Variants in KCNQ3 observed in about 807,000 individuals in gnomAD.
KCNQ3 encodes the protein potassium voltage-gated channel subfamily KQT member 3.
KCNQ3 carries 30 observed loss-of-function variants against 92.5 expected under a neutral mutation model. That is an observed-to-expected ratio of 0.32 (90% CI 0.24 to 0.44). KCNQ3 has a LOEUF of 0.44. Among genes scored for constraint, KCNQ3 ranks in the 20% least tolerant of loss-of-function variants. The probability of loss-of-function intolerance (pLI) is 1.00; values close to 1 mark genes in which losing one functional copy is unlikely to be tolerated. For missense variants in KCNQ3, 913 were observed against 1,140.3 expected (o/e 0.80, Z 2.87); for synonymous variants, 450 against 468.8 (o/e 0.96, Z 0.52).
chr8:132,249,943 G>A (rs994581197), intron 1 of KCNQ3, among the ~76,000 whole-genome samples: 6 of 152,152 alleles, frequency 3.9e-5, no homozygotes, highest in Non-Finnish European at 5.9e-5. Context: ...CCGGCCGGCC[G>A]CTCCAAGTGA....
intron 9 of KCNQ3, among the ~76,000 whole-genome samples, chr8:132,148,662 A>G (rs1175776935): frequency 6.6e-6 from 1 of 152,230 alleles, no homozygotes; most frequent in Non-Finnish European, 1.5e-5. Flanking sequence ...GCCTTCACCA[A>G]TGTGGATGGA....
At chr8:132,140,440 G>T in intron 10 of KCNQ3, 1 of 447,380 alleles carries the variant, frequency 2.2e-6, no homozygotes, top group Non-Finnish European at 4.0e-6. Flanking sequence ...GCAGGGAGGA[G>T]AAGTGAGCTC....
intron 1 of KCNQ3, among the ~76,000 whole-genome samples, chr8:132,470,261 G>A (rs1822268187): frequency 6.6e-6 from 1 of 152,118 alleles, no homozygotes; most frequent in Non-Finnish European, 1.5e-5. Flanking sequence ...CTGGACTCAC[G>A]TGTATGCTTT....
intron 1 of KCNQ3, 120 bp downstream of exon 1, chr8:132,480,027 C>T (rs1297720374): frequency 1.0e-6 from 1 of 954,094 alleles, no homozygotes; most frequent in South Asian, 1.6e-5. Flanking sequence ...GGGCTGGTCT[C>T]CCCTTCAGCG....
At chr8:132,391,551 T>C (rs1314137866) in intron 1 of KCNQ3, among the ~76,000 whole-genome samples, 1 of 152,128 alleles carries the variant, frequency 6.6e-6, no homozygotes, top group Non-Finnish European at 1.5e-5. Flanking sequence ...TTTGGGAGCC[T>C]GTTGAGCTGA....
chr8:132,442,407 C>A (rs1018147080), intron 1 of KCNQ3, among the ~76,000 whole-genome samples: 1 of 152,140 alleles, frequency 6.6e-6, no homozygotes, highest in Non-Finnish European at 1.5e-5. Context: ...ATTCCTTGAT[C>A]AATGTCTGTC....
At chr8:132,401,616 C>T (rs1484186337) in intron 1 of KCNQ3, among the ~76,000 whole-genome samples, 2 of 152,134 alleles carry the variant, frequency 1.3e-5, no homozygotes, top group South Asian at 2.1e-4. Flanking sequence ...CCTCGTGATC[C>T]GCCTGCCTCG....
chr8:132,159,044 T>A (rs991623320), intron 9 of KCNQ3, among the ~76,000 whole-genome samples: 2 of 152,202 alleles, frequency 1.3e-5, no homozygotes, highest in African/African-American at 4.8e-5. Flanking sequence ...AACACAGTTA[T>A]CTATTTTGAG....
At chr8:132,154,803 C>T (rs1172581228) in intron 9 of KCNQ3, among the ~76,000 whole-genome samples, 1 of 152,140 alleles carries the variant, frequency 6.6e-6, no homozygotes, top group Non-Finnish European at 1.5e-5. Flanking sequence ...ATTTTGTAAC[C>T]TCTCACTCTT....
intron 1 of KCNQ3, among the ~76,000 whole-genome samples, chr8:132,255,066 C>T (rs543485106): frequency 6.6e-6 from 1 of 151,874 alleles, no homozygotes; most frequent in African/African-American, 2.4e-5. Context: ...GAACAATGAG[C>T]TTTGTTGCAT....
intron 9 of KCNQ3, among the ~76,000 whole-genome samples, chr8:132,159,854 C>T (rs1233222470): frequency 6.6e-6 from 1 of 152,122 alleles, no homozygotes; most frequent in East Asian, 1.9e-4. Context: ...ATCCATCATC[C>T]ACCCATTCAT....
At chr8:132,451,259 A>G (rs1001464570) in intron 1 of KCNQ3, among the ~76,000 whole-genome samples, 5 of 152,226 alleles carry the variant, frequency 3.3e-5, no homozygotes, top group Admixed American at 6.5e-5. Flanking sequence ...GCCTTCTGCC[A>G]TGATTGTGAG....
At chr8:132,365,136 C>T (rs878905768) in intron 1 of KCNQ3, among the ~76,000 whole-genome samples, 4 of 152,226 alleles carry the variant, frequency 2.6e-5, no homozygotes, top group East Asian at 1.9e-4. Flanking sequence ...ATATTCATTC[C>T]TTTTTACACC....
chr8:132,306,827 C>T (rs369158935), intron 1 of KCNQ3, among the ~76,000 whole-genome samples: 11 of 152,170 alleles, frequency 7.2e-5, no homozygotes, highest in African/African-American at 2.4e-4. Flanking sequence ...TATTCCCTAG[C>T]TTAACAAAGG....
intron 1 of KCNQ3, chr8:132,187,330 T>C (rs1175129729): frequency 6.7e-6 from 3 of 449,414 alleles, no homozygotes; most frequent in South Asian, 1.6e-5. Context: ...AAACAGAAAG[T>C]TGTCTCATGG....
At chr8:132,305,800 T>A (rs1254845726) in intron 1 of KCNQ3, among the ~76,000 whole-genome samples, 1 of 152,160 alleles carries the variant, frequency 6.6e-6, no homozygotes, top group Admixed American at 6.5e-5. Context: ...GCCGCTTCAA[T>A]ATTCCTCATT....
chr8:132,381,752 A>C (rs1387016143), intron 1 of KCNQ3, among the ~76,000 whole-genome samples: 1 of 152,218 alleles, frequency 6.6e-6, no homozygotes, highest in Non-Finnish European at 1.5e-5. Context: ...CCCAAACCCC[A>C]GCTACAAAGC....
intron 1 of KCNQ3, among the ~76,000 whole-genome samples, chr8:132,477,348 T>C (rs1374165438): frequency 1.4e-5 from 1 of 70,540 alleles, no homozygotes; most frequent in African/African-American, 6.6e-5. Flanking sequence ...TTCATTTTAA[T>C]TTAAAAAAAA....
At chr8:132,144,746 C>T (rs1180014702) in intron 9 of KCNQ3, among the ~76,000 whole-genome samples, 4 of 152,154 alleles carry the variant, frequency 2.6e-5, no homozygotes, top group Non-Finnish European at 4.4e-5. Context: ...GCTGTGAACT[C>T]GACCTGGGAA....
Sources: allele counts gnomAD v4.1 joint callset (sites outside exome capture counted in the v4.1 genomes callset), GRCh38; gene constraint gnomAD v4.1.1; transcripts MANE v1.5; gene names NCBI Gene and HGNC (gene_info 2026-07-23, HGNC 2026-07-21).